The following FBXO28 variants were observed in gnomAD, a reference collection of about 807,000 sequenced individuals.
FBXO28 encodes F-box protein 28.
A neutral mutation model predicts 38.1 loss-of-function variants in FBXO28; 8 were observed. That is an observed-to-expected ratio of 0.21 (90% confidence interval 0.12 to 0.38). FBXO28 has a LOEUF of 0.38. FBXO28 is among the 10% of genes least tolerant of loss of function. FBXO28 has a pLI of 1.00. For missense variants in FBXO28, 345 were observed against 460.6 expected (o/e 0.75, Z 2.30); for synonymous variants, 168 against 173.8 (o/e 0.97, Z 0.26).
intron 3 of FBXO28, among the ~76,000 whole-genome samples, 188 bp from the exon 4 acceptor site, chr1:224,152,954 G>C (rs1015577098): frequency 8.4e-5 from 9 of 106,638 alleles, no homozygotes; most frequent in Non-Finnish European, 1.5e-4. Context: ...AAAAAAAAAA[G>C]TACTGTAACA....
At chr1:224,132,607 A>AC (rs1274931945) in intron 2 of FBXO28, among the ~76,000 whole-genome samples, 1 of 152,132 alleles carries the variant, frequency 6.6e-6, no homozygotes, top group South Asian at 2.1e-4. Context: ...GGAGTTCAAG[A>AC]CCAGCCTAGG....
In FBXO28 at chr1:224,133,512, C is replaced by A. The variant is rs186493348; in HGVS notation, c.378-562C>A. On this transcript the variant is annotated intron_variant, in intron 2 of 4. Coordinates refer to ENST00000366862, the MANE Select transcript of FBXO28 (RefSeq NM_015176.4). ...GCCACTAGATTTGATAGCCAAAAAA[C>A]CTTTACTTTTATTTTTATTTTTGAG... is the stretch of plus-strand genomic sequence containing the variant. Among the ~76,000 whole-genome samples the A allele has an allele frequency of 2.9e-3, 435 of 151,840 alleles. 2 individuals carry two copies. The highest frequency in any genetic ancestry group is 8.1e-3 in the African/African-American group (337 of 41,472).
chr1:224,154,208 G>A (rs1295609755), intron 4 of FBXO28, among the ~76,000 whole-genome samples: 2 of 152,216 alleles, frequency 1.3e-5, no homozygotes, highest in Non-Finnish European at 2.9e-5. Flanking sequence ...TTAGCTTACA[G>A]TTGGGCAAAA....
intron 4 of FBXO28, among the ~76,000 whole-genome samples, chr1:224,155,632 G>A (rs1407415780): frequency 2.0e-5 from 3 of 152,174 alleles, no homozygotes; most frequent in East Asian, 3.8e-4. Context: ...TTTAAATTAG[G>A]AAAGAATTTA....
At chr1:224,146,327 A>G (rs1291774244) in intron 3 of FBXO28, among the ~76,000 whole-genome samples, 2 of 152,106 alleles carry the variant, frequency 1.3e-5, no homozygotes, top group East Asian at 1.9e-4. Flanking sequence ...TAAAAGGGGT[A>G]GAAGGGAAAG....
Position 224,158,458 on chromosome 1 carries a change from G to A in FBXO28, c.*712G>A, listed in dbSNP as rs1657821641. On this transcript the variant is annotated 3_prime_UTR_variant, in exon 5 of 5. Transcript: ENST00000366862. ...AACTCACTTAAAAAGCTCTTGCACT[G>A]GTATTGATCTTGAACCTCTATACTT... 6.5e-6 allele frequency: 1 copy of A among 154,298 alleles called. No homozygotes were observed. Among genetic ancestry groups the A allele is most frequent in the South Asian group, 2.1e-4 (1 of 4,862 alleles). 9.6% of individuals were successfully genotyped at this position (154,298 alleles called of 1,614,324 possible).
At chr1:224,120,733 G>T (rs1009593188) in intron 1 of FBXO28, among the ~76,000 whole-genome samples, 17 of 151,824 alleles carry the variant, frequency 1.1e-4, no homozygotes, top group African/African-American at 4.1e-4. Context: ...CATGGTGGCG[G>T]GCACTTGTAA....
rs1442568697 is a variant in FBXO28 at position 224,159,683 on chromosome 1, A to T, written c.*1937A>T. On this transcript the variant is annotated 3_prime_UTR_variant, in exon 5 of 5. Coordinates refer to ENST00000366862, the MANE Select transcript of FBXO28 (RefSeq NM_015176.4). Reference sequence around the variant, plus strand: ...TGGTGGAATACCCGGGGCCTCTACTAGTCTGCTTTTCCGGTCATAGGAAGA... The same window carrying T: ...TGGTGGAATACCCGGGGCCTCTACTTGTCTGCTTTTCCGGTCATAGGAAGA... 2 of 152,058 alleles carry T rather than the reference A, an allele frequency of 1.3e-5. No individual in the cohort carries two copies. The highest frequency in any genetic ancestry group is 1.3e-4 in the Admixed American group (2 of 15,240). The allele number at this position is 152,058 out of a possible 1,614,324, so 9.4% of individuals were successfully genotyped here. A position where few individuals can be genotyped will look rare whatever the true frequency, so the allele number is the denominator to read the frequency against.
chr1:224,161,883 C>T lies in FBXO28; in HGVS notation c.*4137C>T, dbSNP rs1294836300. ...CAAAAGGTTAGAAGTGTTTAAGATT[C>T]CTTTATTGTGGTACCATGTCTGTTT... On this transcript the variant is annotated 3_prime_UTR_variant, in exon 5 of 5. Transcript: ENST00000366862. 3 of 152,154 alleles carry T rather than the reference C, an allele frequency of 2.0e-5. No individual in the cohort carries two copies. The highest frequency in any genetic ancestry group is 4.4e-5 in the Non-Finnish European group (3 of 68,022). 9.4% of individuals were successfully genotyped at this position (152,154 alleles called of 1,614,324 possible).
At position 224,161,703 on chromosome 1, in the gene FBXO28, G is replaced by C. The variant is rs894584411; in HGVS notation, c.*3957G>C. 1.3e-5 allele frequency: 2 copies of C among 152,132 alleles called. No individual in the cohort carries two copies. Among genetic ancestry groups the C allele is most frequent in the African/African-American group, 4.8e-5 (2 of 41,422 alleles). The allele number at this position is 152,132 out of a possible 1,614,324, so 9.4% of individuals were successfully genotyped here. On this transcript the variant is annotated 3_prime_UTR_variant, in exon 5 of 5. Transcript: ENST00000366862. The stretch of plus-strand genomic sequence containing the variant: ...CAGGCTTAAGTACTGCTGTCCTTTT[G>C]CATCTTCCTAAGCATCTTGGTTAAA...
At chr1:224,133,871 ATT>A (rs1657114909) in intron 2 of FBXO28, among the ~76,000 whole-genome samples, 1 of 151,892 alleles carries the variant, frequency 6.6e-6, no homozygotes, top group African/African-American at 2.4e-5. Flanking sequence ...GTTTTCAAAT[ATT>A]TTGTCAATGA....
In FBXO28 at chr1:224,114,359, G is replaced by T; in HGVS notation, c.230G>T (p.Ser77Ile). 1 of 1,597,860 alleles carries T rather than the reference G, an allele frequency of 6.3e-7. No homozygotes were observed. The highest frequency in any genetic ancestry group is 1.1e-5 in the South Asian group (1 of 88,778). ...LPIVAIENILSFMSYDEISQL... is the reference protein window; with the variant it reads ...LPIVAIENILIFMSYDEISQL... ...ATCGTAGCCATCGAGAACATCCTCA[G>T]CTTTATGTCCTACGACGAAATTAGC... Residue 77 changes from serine to isoleucine, a missense_variant, in exon 1 of 5, where the codon AGC (serine) becomes ATC (isoleucine). Around this residue, in one of 6 missense-constraint regions of FBXO28, gnomAD observed 56 missense variants for 99.8 expected, o/e 0.56. Coordinates refer to ENST00000366862, the MANE Select transcript of FBXO28 (RefSeq NM_015176.4).
At chr1:224,153,021 T>G in intron 3 of FBXO28, 121 bp from the exon 4 acceptor site, 2 of 646,544 alleles carry the variant, frequency 3.1e-6, no homozygotes, top group Non-Finnish European at 5.1e-6. Flanking sequence ...GTACATCACT[T>G]AAATCACCCT....
chr1:224,148,676 A>G (rs925770697), intron 3 of FBXO28, among the ~76,000 whole-genome samples: 4 of 152,016 alleles, frequency 2.6e-5, no homozygotes, highest in Admixed American at 6.6e-5. Context: ...AAAGAAAAAA[A>G]AAAAGAAAAG....
At chr1:224,129,300 A>AT (rs1656980587) in intron 1 of FBXO28, among the ~76,000 whole-genome samples, 1 of 152,180 alleles carries the variant, frequency 6.6e-6, no homozygotes, top group African/African-American at 2.4e-5. Flanking sequence ...AGATCACACC[A>AT]TTGCACTATA....
At chr1:224,140,228 C>T (rs2172358) in intron 3 of FBXO28, among the ~76,000 whole-genome samples, 38,605 of 152,130 alleles carry the variant, frequency 0.25, 5,153 homozygotes, top group East Asian at 0.47. Context: ...GTACAGAGAG[C>T]AAAATCAGAA....
At chr1:224,141,499 C>T (rs1479126757) in intron 3 of FBXO28, among the ~76,000 whole-genome samples, 3 of 151,306 alleles carry the variant, frequency 2.0e-5, no homozygotes, top group African/African-American at 2.4e-5. Flanking sequence ...TGCAATCATG[C>T]GTCATTTAGC....
chr1:224,157,586 G>A lies in FBXO28; in HGVS notation c.947G>A (p.Arg316Gln), dbSNP rs753662673. The change falls in exon 5 of 5, where the codon CGG becomes CAG. Residue 316 changes from arginine to glutamine, a missense_variant. Arg to Gln is a conservative substitution (Grantham distance 43, BLOSUM62 1). Coordinates refer to ENST00000366862, the MANE Select transcript of FBXO28 (RefSeq NM_015176.4). ...QTQIIGEQNARLAELERKLRE... is the reference protein window; with the variant it reads ...QTQIIGEQNAQLAELERKLRE... ...CAGATCATAGGTGAACAAAATGCAC[G>A]GTTGGCAGAGCTAGAACGCAAACTA... is the stretch of plus-strand genomic sequence containing the variant. 30 of 1,614,150 alleles carry A rather than the reference G, an allele frequency of 1.9e-5. No individual in the cohort carries two copies. The highest frequency in any genetic ancestry group is 6.7e-5 in the Admixed American group (4 of 60,010).
chr1:224,142,271 G>A (rs1209159831), intron 3 of FBXO28, among the ~76,000 whole-genome samples: 1 of 151,212 alleles, frequency 6.6e-6, no homozygotes. Context: ...AGAATCGCTT[G>A]AACCCAGGAG....
Sources: allele counts gnomAD v4.1 joint callset (sites outside exome capture counted in the v4.1 genomes callset), GRCh38; gene constraint gnomAD v4.1.1; regional missense constraint gnomAD v4.1.1; transcripts MANE v1.5; gene names NCBI Gene and HGNC (gene_info 2026-07-23, HGNC 2026-07-21).